The following ROBO2 variants were observed in gnomAD, a reference collection of about 807,000 sequenced individuals.
The protein encoded by ROBO2 is roundabout homolog 2.
A neutral mutation model predicts 160.8 loss-of-function variants in ROBO2; 53 were observed. The observed-to-expected ratio is 0.33, with a 90% CI of 0.26 to 0.41. The LOEUF (loss-of-function observed/expected upper bound fraction) is 0.41, where lower values mean the gene tolerates loss of function less well. Ranked by LOEUF, ROBO2 falls within the 10% of genes least tolerant of loss-of-function variation. ROBO2 has a pLI of 1.00. For synonymous variants in ROBO2, 664 were observed against 611.7 expected (o/e 1.09, Z -1.26); for missense variants, 1,577 against 1,722.4 (o/e 0.92, Z 1.49).
intron 6 of ROBO2, among the ~76,000 whole-genome samples, chr3:77,534,673 A>G (rs988521496): frequency 3.5e-4 from 53 of 152,200 alleles, no homozygotes; most frequent in Non-Finnish European, 5.6e-4. Context: ...AAATATATAA[A>G]CTAGCAAACT....
intron 2 of ROBO2, among the ~76,000 whole-genome samples, chr3:76,788,400 TCTAAA>T (rs1456748578): frequency 6.6e-6 from 1 of 151,404 alleles, no homozygotes; most frequent in Non-Finnish European, 1.5e-5. Flanking sequence ...TTTTTATCTC[TCTAAA>T]CTAACCTATT....
At chr3:77,341,115 T>C (rs1414876273) in intron 2 of ROBO2, among the ~76,000 whole-genome samples, 1 of 152,194 alleles carries the variant, frequency 6.6e-6, no homozygotes, top group Non-Finnish European at 1.5e-5. Flanking sequence ...TCACTTTACA[T>C]ATTCTCTATT....
intron 2 of ROBO2, among the ~76,000 whole-genome samples, chr3:76,143,760 G>A (rs1483240935): frequency 6.6e-6 from 1 of 151,906 alleles, no homozygotes; most frequent in Non-Finnish European, 1.5e-5. Context: ...TAAAGGACTG[G>A]GTCACACAGT....
intron 2 of ROBO2, among the ~76,000 whole-genome samples, chr3:76,511,991 C>G (rs1394174990): frequency 1.3e-5 from 2 of 152,032 alleles, no homozygotes; most frequent in Non-Finnish European, 2.9e-5. Flanking sequence ...TGAAAAGTGC[C>G]TATAGATGAC....
intron 2 of ROBO2, among the ~76,000 whole-genome samples, chr3:77,008,492 A>T (rs2149449912): frequency 6.6e-6 from 1 of 152,278 alleles, no homozygotes; most frequent in African/African-American, 2.4e-5. Context: ...CAGATAGGTG[A>T]GATGAGGGAG....
intron 2 of ROBO2, among the ~76,000 whole-genome samples, chr3:77,361,720 C>T (rs1454393996): frequency 2.6e-5 from 4 of 152,126 alleles, no homozygotes; most frequent in African/African-American, 9.7e-5. Flanking sequence ...ACACCCTTGG[C>T]CCCGACCTCT....
intron 2 of ROBO2, among the ~76,000 whole-genome samples, chr3:76,395,201 C>A (rs2077367995): frequency 6.6e-6 from 1 of 150,922 alleles, no homozygotes; most frequent in South Asian, 2.1e-4. Flanking sequence ...TACATGGAAA[C>A]TGAACAACCT....
At chr3:77,645,019 C>T in intron 25 of ROBO2, 115 bp downstream of exon 27, 1 of 1,033,450 alleles carries the variant, frequency 9.7e-7, no homozygotes, top group Non-Finnish European at 1.5e-6. Context: ...GTTACAAAAA[C>T]AATCAATTGC....
chr3:76,979,943 G>C (rs1273621773), intron 2 of ROBO2, among the ~76,000 whole-genome samples: 2 of 149,350 alleles, frequency 1.3e-5, no homozygotes, highest in African/African-American at 5.0e-5. Flanking sequence ...CTGATATAGA[G>C]ACTTGGTTAA....
chr3:75,924,681 C>CTTTTTTTTTTT lies in ROBO2; in HGVS notation c.-13-12786_-13-12776dup, dbSNP rs60599175. On this transcript the variant is annotated intron_variant, in intron 1 of 26. Transcript: ENST00000487694. ...AATTATTGGGAATTTATTTTCTTTTCTTTTTTTTTTTTTTTTTTTTTTTTG... is the reference window on the plus strand; with the variant it reads ...AATTATTGGGAATTTATTTTCTTTTCTTTTTTTTTTTTTTTTTTTTTTTTTTTTTTTTTTTG... 8.5e-4 allele frequency among the ~76,000 whole-genome samples: 56 copies of CTTTTTTTTTTT among 66,018 alleles called. 2 individuals carry two copies. The highest frequency in any genetic ancestry group is 9.4e-4 in the Non-Finnish European group (38 of 40,640). The allele number at this position is 66,018 out of a possible 152,430, so 43.3% of individuals were successfully genotyped here.
intron 1 of ROBO2, among the ~76,000 whole-genome samples, chr3:77,090,211 G>C (rs929111042): frequency 6.6e-6 from 1 of 150,984 alleles, no homozygotes; most frequent in African/African-American, 2.4e-5. Flanking sequence ...ATAAAGTTTA[G>C]AGTTGGAGTA....
At position 77,247,905 on chromosome 3, in the gene ROBO2, C is replaced by T. The variant is rs925517756; in HGVS notation, c.388+149565C>T. Among the ~76,000 whole-genome samples, 20 of 152,120 alleles carry T rather than the reference C, an allele frequency of 1.3e-4. 1 individual carries two copies. Among genetic ancestry groups the T allele is most frequent in the African/African-American group, 4.1e-4 (17 of 41,416 alleles). On this transcript the variant is annotated intron_variant, in intron 2 of 25. Transcript: ENST00000461745. ...GAAGACAGTGGGTCTCTGGCGAGGGCCCCACCCTCAAGCTGAAAAGCCTGG... is the reference window on the plus strand; with the variant it reads ...GAAGACAGTGGGTCTCTGGCGAGGGTCCCACCCTCAAGCTGAAAAGCCTGG...
At chr3:76,470,592 A>G (rs1172580543) in intron 2 of ROBO2, among the ~76,000 whole-genome samples, 1 of 152,120 alleles carries the variant, frequency 6.6e-6, no homozygotes, top group African/African-American at 2.4e-5. Flanking sequence ...ACCAACAACT[A>G]CCTCAAGAGA....
intron 2 of ROBO2, among the ~76,000 whole-genome samples, chr3:76,794,565 A>C (rs1185530733): frequency 6.6e-6 from 1 of 151,934 alleles, no homozygotes; most frequent in Admixed American, 6.6e-5. Context: ...TGAACAATCT[A>C]TGTTATTCAT....
At chr3:77,047,086 G>A (rs2064747561) in intron 1 of ROBO2, among the ~76,000 whole-genome samples, 1 of 152,252 alleles carries the variant, frequency 6.6e-6, no homozygotes, top group African/African-American at 2.4e-5. Context: ...GAGGAAGAGT[G>A]GGATTTTGGT....
intron 6 of ROBO2, among the ~76,000 whole-genome samples, chr3:77,534,931 T>C (rs1480945882): frequency 6.6e-6 from 1 of 152,170 alleles, no homozygotes; most frequent in Non-Finnish European, 1.5e-5. Flanking sequence ...ACATAGGTAG[T>C]ACTTGCCTAG....
chr3:77,080,833 T>C (rs2068578319), intron 1 of ROBO2, among the ~76,000 whole-genome samples: 1 of 152,210 alleles, frequency 6.6e-6, no homozygotes, highest in African/African-American at 2.4e-5. Flanking sequence ...TTTGGAAGCT[T>C]ACATTATTGC....
chr3:76,533,276 G>A (rs2082322493), intron 2 of ROBO2, among the ~76,000 whole-genome samples: 1 of 152,112 alleles, frequency 6.6e-6, no homozygotes, highest in East Asian at 1.9e-4. Flanking sequence ...TCCAAAAGGG[G>A]GTTTTGTTTT....
At chr3:77,119,300 C>T (rs1184062626) in intron 2 of ROBO2, among the ~76,000 whole-genome samples, 1 of 152,086 alleles carries the variant, frequency 6.6e-6, no homozygotes, top group Non-Finnish European at 1.5e-5. Flanking sequence ...AATTGTAATA[C>T]AATTGTAAGT....
Sources: gnomAD v4.1 joint callset for allele counts (sites outside exome capture counted in the v4.1 genomes callset) on GRCh38, gnomAD v4.1.1 for gene constraint, MANE v1.5 for transcripts, NCBI Gene and HGNC (gene_info 2026-07-23, HGNC 2026-07-21) for gene names.